The following TEAD4 variants were observed in gnomAD, a reference collection of about 807,000 sequenced individuals.
The protein encoded by TEAD4 is transcriptional enhancer factor TEF-3.
A neutral mutation model predicts 52.4 loss-of-function variants in TEAD4; 36 were observed. The ratio of observed to expected loss-of-function variants is 0.69; its 90% CI spans 0.53 to 0.91. The LOEUF is 0.91. TEAD4 is among the 40% of genes least tolerant of loss of function. The pLI is 0.00. For missense variants in TEAD4, 508 were observed against 583.9 expected, an observed-to-expected ratio of 0.87 and a Z score of 1.34; for synonymous variants, 220 against 231.0, an observed-to-expected ratio of 0.95 and a Z score of 0.43.
At chr12:3,028,160 G>A (rs957600338) in intron 10 of TEAD4, among the ~76,000 whole-genome samples, 2 of 152,150 alleles carry the variant, frequency 1.3e-5, no homozygotes, top group East Asian at 1.9e-4. Flanking sequence ...TAGCACGTAC[G>A]TTCCTTTTTA....
chr12:2,965,064 G>A (rs1175139070), intron 2 of TEAD4, among the ~76,000 whole-genome samples: 2 of 152,184 alleles, frequency 1.3e-5, no homozygotes, highest in Non-Finnish European at 2.9e-5. Context: ...AACACATGCT[G>A]TCTTGATTTG....
At chr12:3,038,815 C>T (rs527457331) in intron 11 of TEAD4, among the ~76,000 whole-genome samples, 8 of 152,226 alleles carry the variant, frequency 5.3e-5, no homozygotes, top group Non-Finnish European at 8.8e-5. Flanking sequence ...CTTCACTGTC[C>T]GTGACACGGT....
At position 2,966,442 on chromosome 12, in the gene TEAD4, T is replaced by C. The variant is rs1473415285; in HGVS notation, c.-30+6402T>C. 1.5e-4 allele frequency among the ~76,000 whole-genome samples: 23 copies of C among 151,730 alleles called. 1 individual carries two copies. In the Middle Eastern group the frequency reaches 0.01, roughly 67 times the overall value. On this transcript the variant is annotated intron_variant, in intron 2 of 12. Transcript: ENST00000359864. ...CTTTTTTTTTTTTTGAGATGGGTCTTGCTCTGTCACCAGGCTGGAGTGCAG... is the reference window on the plus strand; with the variant it reads ...CTTTTTTTTTTTTTGAGATGGGTCTCGCTCTGTCACCAGGCTGGAGTGCAG...
rs183140108 is a variant in TEAD4, at chr12:2,962,959, C to G, written c.-30+2919C>G. ...CCTAGCCGCCTTCATCCAACAGGCG[C>G]GGAAGCTGGAGCAGACTGACTTGGG... On this transcript the variant is annotated intron_variant, in intron 2 of 12. Coordinates refer to ENST00000359864, the MANE Select transcript of TEAD4 (RefSeq NM_003213.4). 4.6e-5 allele frequency among the ~76,000 whole-genome samples: 7 copies of G among 152,264 alleles called. No individual in the cohort carries two copies. The East Asian group carries it at 1.4e-3, about 29-fold the overall frequency.
At chr12:3,018,377 A>T (rs1351386987) in intron 6 of TEAD4, among the ~76,000 whole-genome samples, 168 bp from the exon 7 acceptor site, 1 of 151,662 alleles carries the variant, frequency 6.6e-6, no homozygotes, top group African/African-American at 2.4e-5. Context: ...CCTGAAACTC[A>T]CTCTGGGGGT....
At position 3,012,226 on chromosome 12, in the gene TEAD4, G is replaced by C; in HGVS notation, c.348G>C (p.Lys116Asn). The C allele has an allele frequency of 1.2e-6, 2 of 1,614,084 alleles. No individual in the cohort carries two copies. Among genetic ancestry groups the C allele is most frequent in the East Asian group, 4.5e-5 (2 of 44,874 alleles). ...GCAAAGCTCGCGAGATCCAGGCCAA[G>C]CTAAAGGTAAGGAAACTGCAGTGGG... The change falls in exon 5 of 13, where the codon AAG (lysine) becomes AAC (asparagine). Residue 116 changes from lysine (K) to asparagine (N), a missense_variant. Transcript: ENST00000359864.
chr12:2,975,303 G>A (rs1367201488), intron 2 of TEAD4, among the ~76,000 whole-genome samples: 3 of 151,596 alleles, frequency 2.0e-5, no homozygotes, highest in African/African-American at 4.8e-5. Context: ...TTAACATCTT[G>A]CATTTGTTGC....
In TEAD4 at chr12:3,029,719, C is replaced by T. The variant is rs190223638; in HGVS notation, c.897+7702C>T. Among the ~76,000 whole-genome samples the T allele has an allele frequency of 4.6e-5, 7 of 152,126 alleles. No individual in the cohort carries two copies. The East Asian group carries it at 9.7e-4, about 21-fold the overall frequency. ...CTAGTAGTGTCCTTTGATGCACAAA[C>T]GTTTCTAGTGTTGATGATGTCCAGT... On this transcript the variant is annotated intron_variant, in intron 10 of 12. Transcript: ENST00000359864.
intron 5 of TEAD4, among the ~76,000 whole-genome samples, chr12:3,014,250 C>A (rs538873696): frequency 2.0e-5 from 3 of 152,316 alleles, no homozygotes; most frequent in Admixed American, 6.5e-5. Context: ...CTGCAGATGA[C>A]CACGGTGAAC....
At chr12:3,020,894 T>C in intron 9 of TEAD4, 121 bp downstream of exon 9, 5 of 1,125,826 alleles carry the variant, frequency 4.4e-6, no homozygotes, top group Non-Finnish European at 4.7e-6. Context: ...TCCTTTCCGA[T>C]CTTCCCTTCT....
intron 3 of TEAD4, among the ~76,000 whole-genome samples, chr12:2,998,515 G>A (rs2153955671): frequency 6.6e-6 from 1 of 151,522 alleles, no homozygotes; most frequent in South Asian, 2.1e-4. Context: ...GAGACCCAGG[G>A]AGGGGCATGG....
At chr12:3,036,759 C>T (rs1238184987) in intron 10 of TEAD4, among the ~76,000 whole-genome samples, 2 of 152,084 alleles carry the variant, frequency 1.3e-5, no homozygotes, top group African/African-American at 4.8e-5. Context: ...TGATGTGGGG[C>T]TGGAGTTCTG....
chr12:2,979,256 T>TGC (rs1286698187), intron 2 of TEAD4, among the ~76,000 whole-genome samples: 2 of 152,242 alleles, frequency 1.3e-5, no homozygotes, highest in African/African-American at 2.4e-5. Context: ...ATTACCTGGA[T>TGC]GCACCACATT....
chr12:2,987,610 A>G (rs1422286321), intron 2 of TEAD4, among the ~76,000 whole-genome samples: 1 of 151,374 alleles, frequency 6.6e-6, no homozygotes, highest in African/African-American at 2.4e-5. Context: ...AATGTTTTGT[A>G]TTTTTAGTAG....
intron 10 of TEAD4, among the ~76,000 whole-genome samples, chr12:3,029,950 C>T (rs73248856): frequency 0.03 from 4,563 of 151,972 alleles, 182 homozygotes; most frequent in African/African-American, 0.094. Context: ...TCTCCAGAGA[C>T]GATTCATCTA....
chr12:3,002,818 G>C (rs1336127186), intron 3 of TEAD4, among the ~76,000 whole-genome samples: 1 of 151,700 alleles, frequency 6.6e-6, no homozygotes, highest in East Asian at 1.9e-4. Flanking sequence ...AGCAGTGCAA[G>C]CTTCTTGGGG....
At chr12:2,964,376 G>C (rs545617399) in intron 2 of TEAD4, among the ~76,000 whole-genome samples, 60 of 152,254 alleles carry the variant, frequency 3.9e-4, no homozygotes, top group African/African-American at 1.4e-3. Context: ...TGGCTGGAAC[G>C]GCGATCTTGG....
intron 3 of TEAD4, among the ~76,000 whole-genome samples, chr12:2,998,806 G>A (rs2098249326): frequency 1.3e-5 from 2 of 152,186 alleles, no homozygotes; most frequent in South Asian, 4.1e-4. Flanking sequence ...TCCTCTGTCA[G>A]CTGAATGGCC....
At chr12:3,009,875 T>C (rs894596169) in intron 3 of TEAD4, among the ~76,000 whole-genome samples, 1 of 152,216 alleles carries the variant, frequency 6.6e-6, no homozygotes, top group South Asian at 2.1e-4. Context: ...GGCCTTGGCA[T>C]TGGGGAAAGG....
Sources: allele counts gnomAD v4.1 joint callset (sites outside exome capture counted in the v4.1 genomes callset), GRCh38; gene constraint gnomAD v4.1.1; transcripts MANE v1.5; gene names NCBI Gene and HGNC (gene_info 2026-07-23, HGNC 2026-07-21).